ZFYVE28: variants seen among roughly 807,000 people sequenced by gnomAD.
ZFYVE28 encodes the protein zinc finger FYVE-type containing 28.
A neutral mutation model predicts 82.1 loss-of-function variants in ZFYVE28; 40 were observed. That is an observed-to-expected ratio of 0.49 (90% CI 0.38 to 0.63). The LOEUF is 0.63. Ranked by LOEUF, ZFYVE28 falls within the 30% of genes least tolerant of loss-of-function variation. The pLI, the probability that ZFYVE28 is intolerant of heterozygous loss-of-function variation, is 0.00. For synonymous variants in ZFYVE28, 612 were observed against 546.1 expected, an observed-to-expected ratio of 1.12 and a Z score of -1.68; for missense variants, 1,321 against 1,242.1, an observed-to-expected ratio of 1.06 and a Z score of -0.96.
chr4:2,279,134 T>C (rs1407178399), intron 8 of ZFYVE28, among the ~76,000 whole-genome samples: 1 of 152,212 alleles, frequency 6.6e-6, no homozygotes, highest in African/African-American at 2.4e-5. Context: ...GCAGCACTTA[T>C]ACATGCTACT....
At chr4:2,315,181 G>C (rs1406750337) in intron 7 of ZFYVE28, among the ~76,000 whole-genome samples, 1 of 152,092 alleles carries the variant, frequency 6.6e-6, no homozygotes, top group Non-Finnish European at 1.5e-5. Flanking sequence ...TCAGTTCTAT[G>C]TTTTGGAATA....
chr4:2,398,952 A>AG (rs1338393571), intron 1 of ZFYVE28, among the ~76,000 whole-genome samples: 2 of 130,204 alleles, frequency 1.5e-5, no homozygotes, highest in Admixed American at 1.6e-4. Flanking sequence ...CGAGGGCACA[A>AG]GGGGGGTGTG....
chr4:2,304,997 C>A lies in ZFYVE28; in HGVS notation c.1343G>T (p.Ser448Ile). The change falls in exon 8 of 13, where the codon AGC becomes ATC. Residue 448 changes from serine (S) to isoleucine (I), a missense_variant. Coordinates refer to ENST00000290974, the MANE Select transcript of ZFYVE28 (RefSeq NM_020972.3). The part of the protein sequence containing the change: ...QGGPGGAAGI[S>I]LPASEKEEDL... Reference sequence around the variant, plus strand: ...CTCCTCCTTTTCCGAGGCGGGCAAGCTGATCCCCGCCGCTCCGCCTGGCCC... The same window carrying A: ...CTCCTCCTTTTCCGAGGCGGGCAAGATGATCCCCGCCGCTCCGCCTGGCCC... The A allele has an allele frequency of 1.9e-6, 3 of 1,612,654 alleles. No individual in the cohort carries two copies. Among genetic ancestry groups the A allele is most frequent in the Non-Finnish European group, 2.5e-6 (3 of 1,179,816 alleles).
At chr4:2,354,522 G>A (rs1724953059) in intron 1 of ZFYVE28, among the ~76,000 whole-genome samples, 5 of 145,584 alleles carry the variant, frequency 3.4e-5, no homozygotes, top group East Asian at 4.0e-4. Context: ...GCAATGGCAC[G>A]ATCCCAACTC....
chr4:2,348,459 T>C (rs1723897307), intron 2 of ZFYVE28, among the ~76,000 whole-genome samples: 1 of 152,232 alleles, frequency 6.6e-6, no homozygotes, highest in African/African-American at 2.4e-5. Flanking sequence ...GACACTGTCT[T>C]GACACCAAAA....
intron 1 of ZFYVE28, among the ~76,000 whole-genome samples, chr4:2,381,103 C>T (rs1004195357): frequency 5.3e-5 from 8 of 152,224 alleles, no homozygotes; most frequent in Admixed American, 1.3e-4. Flanking sequence ...TGACCAGATG[C>T]CTGATAGCAA....
chr4:2,404,263 A>G (rs1361617905), intron 1 of ZFYVE28, among the ~76,000 whole-genome samples: 1 of 143,108 alleles, frequency 7.0e-6, no homozygotes, highest in African/African-American at 2.5e-5. Context: ...CGGAGCCTGC[A>G]GTGAGCCAAG....
rs1736075080 is a variant in ZFYVE28, at chr4:2,273,228, C to G, written c.2268G>C (p.Leu756=). 6.2e-7 allele frequency: 1 copy of G among 1,613,930 alleles called. No homozygotes were observed. Among genetic ancestry groups the G allele is most frequent in the Non-Finnish European group, 8.5e-7 (1 of 1,179,936 alleles). The change falls in exon 10 of 13, where the codon CTG becomes CTC. Residue 756 remains leucine (L), a synonymous_variant. Transcript: ENST00000290974. The part of the protein sequence containing the change: ...ASDLRSILKT[L]FEVMATKPET... ...CAGGCTTGGTGGCCATGACCTCAAA[C>G]AGTGTTTTAAGAATACTTCTCAGGT...
intron 8 of ZFYVE28, among the ~76,000 whole-genome samples, chr4:2,302,105 C>A (rs1471334513): frequency 6.6e-6 from 1 of 152,202 alleles, no homozygotes; most frequent in Non-Finnish European, 1.5e-5. Flanking sequence ...GGGGCGAGTG[C>A]TTGTAGCAGG....
At chr4:2,271,216 C>T in intron 12 of ZFYVE28, 95 bp downstream of exon 12, 1 of 1,314,526 alleles carries the variant, frequency 7.6e-7, no homozygotes, top group Admixed American at 2.0e-5. Flanking sequence ...CCTCGCTGGC[C>T]TCCCTGGGCA....
At chr4:2,328,941 T>C in intron 6 of ZFYVE28, 2 of 490,962 alleles carry the variant, frequency 4.1e-6, no homozygotes, top group Non-Finnish European at 7.3e-6. Flanking sequence ...CCATAGATGT[T>C]TGGGTTTATT....
At chr4:2,354,587 T>C (rs1351756888) in intron 1 of ZFYVE28, among the ~76,000 whole-genome samples, 3 of 151,560 alleles carry the variant, frequency 2.0e-5, no homozygotes. Flanking sequence ...GCCTCCCCAG[T>C]AACTGGGATT....
chr4:2,398,644 G>A (rs996076130), intron 1 of ZFYVE28, among the ~76,000 whole-genome samples: 2 of 151,126 alleles, frequency 1.3e-5, no homozygotes, highest in African/African-American at 4.9e-5. Flanking sequence ...CACACAAGGC[G>A]GGGGCGAGAT....
intron 1 of ZFYVE28, among the ~76,000 whole-genome samples, chr4:2,387,329 G>A (rs972639985): frequency 6.6e-6 from 1 of 152,216 alleles, no homozygotes; most frequent in Non-Finnish European, 1.5e-5. Flanking sequence ...GAGCTTCACG[G>A]CCGGAAGTGA....
rs201070288 is a variant in ZFYVE28, at chr4:2,304,611, C to A, written c.1729G>T (p.Val577Leu). The change falls in exon 8 of 13, where the codon GTG becomes TTG. Residue 577 changes from valine to leucine, a missense_variant. This residue lies in a region of ZFYVE28 where 978 missense variants were observed against 833.7 expected (regional missense o/e 1.17). Coordinates refer to ENST00000290974, the MANE Select transcript of ZFYVE28 (RefSeq NM_020972.3). ...CGSCGDSRED[V>L]VERLREKCSP... ...CACTTCTCCCGCAGACGCTCCACCA[C>A]GTCCTCCCTGCTGTCCCCGCAGCTC... 6.2e-7 allele frequency: 1 copy of A among 1,612,456 alleles called. No homozygotes were observed. The highest frequency in any genetic ancestry group is 1.7e-5 in the Admixed American group (1 of 59,942).
chr4:2,282,367 TCA>T (rs969095302), intron 8 of ZFYVE28, among the ~76,000 whole-genome samples: 8 of 152,212 alleles, frequency 5.3e-5, no homozygotes, highest in African/African-American at 1.9e-4. Context: ...TTCAGCTGTG[TCA>T]CAGTTAGGCC....
At position 2,354,766 on chromosome 4, in the gene ZFYVE28, A is replaced by T. The variant is rs528378140; in HGVS notation, c.40-693T>A. 5.9e-5 allele frequency among the ~76,000 whole-genome samples: 9 copies of T among 151,522 alleles called. No individual in the cohort carries two copies. In the Middle Eastern group the frequency reaches 0.014, roughly 229 times the overall value. On this transcript the variant is annotated intron_variant, in intron 1 of 12. Coordinates refer to ENST00000290974, the MANE Select transcript of ZFYVE28 (RefSeq NM_020972.3). ...GAGCCACTGTGCCCGGCCAGGAAAT[A>T]TTTTTTTATTCACAAAACCAAAATA...
At position 2,341,468 on chromosome 4, in the gene ZFYVE28, C is replaced by G; in HGVS notation, c.318+10G>C. On this transcript the variant is annotated intron_variant, in intron 3 of 12. Coordinates refer to ENST00000290974, the MANE Select transcript of ZFYVE28 (RefSeq NM_020972.3). The surrounding 1 kb of genome is among the most constrained non-coding windows in gnomAD (Gnocchi z 4.5). Reference sequence around the variant, plus strand: ...ATCAGGACCTCCGAACCCGGGTGGCCACCCGCTACCTCGGCACCGAACCAC... The same window carrying G: ...ATCAGGACCTCCGAACCCGGGTGGCGACCCGCTACCTCGGCACCGAACCAC... 1 of 1,612,386 alleles carries G rather than the reference C, an allele frequency of 6.2e-7. No homozygotes were observed. Among genetic ancestry groups the G allele is most frequent in the Middle Eastern group, 1.9e-4 (1 of 5,262 alleles).
intron 2 of ZFYVE28, among the ~76,000 whole-genome samples, chr4:2,353,196 C>T (rs1724732701): frequency 6.6e-6 from 1 of 152,230 alleles, no homozygotes; most frequent in Non-Finnish European, 1.5e-5. Flanking sequence ...CGCAGCAGGG[C>T]CAGGCCCAGA....
Sources: gnomAD v4.1 joint callset for allele counts (sites outside exome capture counted in the v4.1 genomes callset) on GRCh38, gnomAD v4.1.1 for gene constraint, gnomAD v4.1.1 regional missense constraint, Gnocchi (gnomAD v3.1) non-coding constraint, MANE v1.5 for transcripts, NCBI Gene and HGNC (gene_info 2026-07-23, HGNC 2026-07-21) for gene names.